MEP1A: variants seen among roughly 807,000 people sequenced by gnomAD.
The protein encoded by MEP1A is N-benzoyl-L-tyrosyl-P-amino-benzoic acid hydrolase subunit alpha.
A neutral mutation model predicts 84.5 loss-of-function variants in MEP1A; 68 were observed. The ratio of observed to expected loss-of-function variants is 0.80; its 90% CI spans 0.66 to 0.98. The LOEUF is 0.98. MEP1A is among the 50% of genes least tolerant of loss of function. The pLI, the probability that MEP1A is intolerant of heterozygous loss-of-function variation, is 0.00. For missense variants in MEP1A, 887 were observed against 919.9 expected (o/e 0.96, Z 0.46); for synonymous variants, 337 against 336.8 (o/e 1.00, Z -0.01).
intron 5 of MEP1A, among the ~76,000 whole-genome samples, chr6:46,803,680 A>T (rs1222112677): frequency 6.6e-6 from 1 of 151,412 alleles, no homozygotes; most frequent in African/African-American, 2.4e-5. Context: ...CATATCACTT[A>T]TTTTAAACCT....
intron 8 of MEP1A, among the ~76,000 whole-genome samples, chr6:46,825,733 A>G (rs1767926856): frequency 6.6e-6 from 1 of 152,220 alleles, no homozygotes; most frequent in African/African-American, 2.4e-5. Flanking sequence ...AAACAAAACT[A>G]TAACAGCAAC....
At position 46,824,831 on chromosome 6, in the gene MEP1A, AATATATATAAATT is replaced by A. The variant is rs1191772717; in HGVS notation, c.557-421_557-409del. 5.4e-3 allele frequency among the ~76,000 whole-genome samples: 433 copies of A among 79,770 alleles called. 28 individuals carry two copies. Among genetic ancestry groups the A allele is most frequent in the African/African-American group, 0.017 (317 of 18,372 alleles). The allele number at this position is 79,770 out of a possible 152,430, so 52.3% of individuals were successfully genotyped here. On this transcript the variant is annotated intron_variant, in intron 7 of 13. Transcript: ENST00000230588. ...TGATGTATTTAATTAGATGTATTTA[AATATATATAAATT>A]ATATATATAAATTATATATTTAAAT...
chr6:46,838,678 G>A lies in MEP1A; in HGVS notation c.2085-302G>A, dbSNP rs377391888. 1.7e-4 allele frequency among the ~76,000 whole-genome samples: 26 copies of A among 152,270 alleles called. No homozygotes were observed. The South Asian group carries it at 3.7e-3, about 22-fold the overall frequency. ...GTGGCTGAGAGTCCTGGATCTGGAGGCATACCTCTTGAGATTAGATTTCAA... is the reference window on the plus strand; with the variant it reads ...GTGGCTGAGAGTCCTGGATCTGGAGACATACCTCTTGAGATTAGATTTCAA... On this transcript the variant is annotated intron_variant, in intron 13 of 13. Coordinates refer to ENST00000230588, the MANE Select transcript of MEP1A (RefSeq NM_005588.3).
At chr6:46,828,464 T>A (rs577758283) in intron 9 of MEP1A, among the ~76,000 whole-genome samples, 1 of 152,282 alleles carries the variant, frequency 6.6e-6, no homozygotes, top group African/African-American at 2.4e-5. Flanking sequence ...GCTGGGAGCA[T>A]CACGGAGCAA....
At chr6:46,815,145 G>T (rs1399426103) in intron 6 of MEP1A, among the ~76,000 whole-genome samples, 1 of 152,194 alleles carries the variant, frequency 6.6e-6, no homozygotes. Flanking sequence ...CAAGGCCATA[G>T]AGCTCTCAAG....
chr6:46,802,770 T>G, intron 5 of MEP1A, among the ~76,000 whole-genome samples: 1 of 151,854 alleles, frequency 6.6e-6, no homozygotes, highest in East Asian at 1.9e-4. Flanking sequence ...TCAAATGCTT[T>G]TCCTGCAACA....
intron 5 of MEP1A, among the ~76,000 whole-genome samples, chr6:46,809,201 TTTAAGGTATGCAC>T (rs2150744847): frequency 6.6e-6 from 1 of 152,234 alleles, no homozygotes; most frequent in South Asian, 2.1e-4. Flanking sequence ...GCATTGTGCA[TTTAAGGTATGCAC>T]TTAATGTTTA....
chr6:46,820,645 C>T (rs1767749930), intron 7 of MEP1A, among the ~76,000 whole-genome samples: 1 of 152,172 alleles, frequency 6.6e-6, no homozygotes, highest in South Asian at 2.1e-4. Flanking sequence ...GCCTTGGCCT[C>T]CCAAAGTGCT....
intron 10 of MEP1A, among the ~76,000 whole-genome samples, chr6:46,830,016 C>T (rs1768043920): frequency 6.6e-6 from 1 of 151,870 alleles, no homozygotes; most frequent in Non-Finnish European, 1.5e-5. Flanking sequence ...GAGGCCGAGG[C>T]GGCCTTGTGG....
rs1330491064 is a variant in MEP1A at position 46,813,462 on chromosome 6, AAGAC to A, written c.380+3928_380+3931del. On this transcript the variant is annotated intron_variant, in intron 6 of 13. Transcript: ENST00000230588. ...GAAAGAGTACAAATAGACAATTCTG[AAGAC>A]AGCAGAAACTTGGTTGGTGAATTCT... Among the ~76,000 whole-genome samples, 7 of 152,144 alleles carry A rather than the reference AAGAC, an allele frequency of 4.6e-5. No homozygotes were observed. The East Asian group carries it at 1.4e-3, about 29-fold the overall frequency.
chr6:46,817,292 AAG>A (rs1302705653), intron 6 of MEP1A, among the ~76,000 whole-genome samples: 1 of 152,210 alleles, frequency 6.6e-6, no homozygotes, highest in African/African-American at 2.4e-5. Flanking sequence ...ATATTGCTGA[AAG>A]AATAACTTTG....
chr6:46,831,463 T>C (rs1444372403), intron 10 of MEP1A, among the ~76,000 whole-genome samples: 1 of 152,204 alleles, frequency 6.6e-6, no homozygotes, highest in Non-Finnish European at 1.5e-5. Context: ...AATTCTGAAC[T>C]AACAGGGATT....
chr6:46,837,265 T>C (rs193216701), intron 13 of MEP1A, among the ~76,000 whole-genome samples: 1,853 of 152,324 alleles, frequency 0.012, 42 homozygotes, highest in African/African-American at 0.042. Flanking sequence ...ATCATAAACA[T>C]TAATTTTATT....
chr6:46,798,295 A>T (rs185341678), intron 3 of MEP1A, among the ~76,000 whole-genome samples: 20 of 152,160 alleles, frequency 1.3e-4, no homozygotes, highest in Non-Finnish European at 2.6e-4. Flanking sequence ...CATCCTCCTT[A>T]TCAGTGCTGC....
chr6:46,803,217 A>G (rs1767233786), intron 5 of MEP1A, among the ~76,000 whole-genome samples: 1 of 151,640 alleles, frequency 6.6e-6, no homozygotes. Flanking sequence ...GTATTTTTAT[A>G]ATGAATTCGA....
At chr6:46,842,281 G>C (rs1768346975), downstream of MEP1A, among the ~76,000 whole-genome samples, 1 of 152,166 alleles carries the variant, frequency 6.6e-6, no homozygotes, top group Non-Finnish European at 1.5e-5. Flanking sequence ...GTAACCATAA[G>C]GTCTGACTGC....
At chr6:46,799,952 C>T (rs1490471837) in intron 5 of MEP1A, among the ~76,000 whole-genome samples, 1 of 152,118 alleles carries the variant, frequency 6.6e-6, no homozygotes, top group Non-Finnish European at 1.5e-5. Context: ...TCTTGTTGGG[C>T]TGCTAGGCTG....
intron 7 of MEP1A, among the ~76,000 whole-genome samples, chr6:46,822,789 C>T (rs893894411): frequency 3.3e-5 from 5 of 152,196 alleles, no homozygotes; most frequent in Non-Finnish European, 5.9e-5. Context: ...AAGTGATTCA[C>T]CTGCCTCAGC....
At position 46,832,761 on chromosome 6, in the gene MEP1A, G is replaced by T. The variant is rs191241633; in HGVS notation, c.1145-313G>T. ...TTGGGTTTTCTTTGCTAACCTTAGG[G>T]GTTACAGTTGAACCAGCCAACTCAG... On this transcript the variant is annotated intron_variant, in intron 10 of 13. Transcript: ENST00000230588. Among the ~76,000 whole-genome samples the T allele has an allele frequency of 9.2e-5, 14 of 152,222 alleles. No homozygotes were observed. In the East Asian group the frequency reaches 2.5e-3, roughly 27 times the overall value.
Sources: gnomAD v4.1 joint callset for allele counts (sites outside exome capture counted in the v4.1 genomes callset) on GRCh38, gnomAD v4.1.1 for gene constraint, MANE v1.5 for transcripts, NCBI Gene and HGNC (gene_info 2026-07-23, HGNC 2026-07-21) for gene names.